The following TMEM222 variants were observed in gnomAD, a reference collection of about 807,000 sequenced individuals.
The protein encoded by TMEM222 is chromosome 1 open reading frame 160.
Under a neutral mutation model 25.1 loss-of-function variants are expected in TMEM222, and 18 were observed. That is an observed-to-expected ratio of 0.72 (90% confidence interval 0.50 to 1.06). The LOEUF is 1.06. Among genes scored for constraint, TMEM222 ranks in the 50% least tolerant of loss-of-function variants. The pLI, the probability that TMEM222 is intolerant of heterozygous loss-of-function variation, is 0.00. For synonymous variants in TMEM222, 131 were observed against 117.9 expected (o/e 1.11, Z -0.72); for missense variants, 296 against 293.7 (o/e 1.01, Z -0.06).
rs1160492927 is a variant in TMEM222, at chr1:27,330,768, A to T, written c.243A>T (p.Gly81=). Reference sequence around the variant, plus strand: ...ACATGGGCATCTGCACATCCACAGGAGTCATTCGGGACTTCGCGGGCCCCT... The same window carrying T: ...ACATGGGCATCTGCACATCCACAGGTGTCATTCGGGACTTCGCGGGCCCCT... ...IGHMGICTST[G]VIRDFAGPYF... The change falls in exon 2 of 6, where the codon GGA becomes GGT. Residue 81 remains glycine, a synonymous_variant. Coordinates refer to ENST00000374076, the MANE Select transcript of TMEM222 (RefSeq NM_032125.3). The T allele has an allele frequency of 6.2e-7, 1 of 1,614,040 alleles. No individual in the cohort carries two copies. The highest frequency in any genetic ancestry group is 8.5e-7 in the Non-Finnish European group (1 of 1,180,010).
intron 1 of TMEM222, 68 bp downstream of exon 1, chr1:27,322,459 A>G: frequency 7.7e-7 from 1 of 1,301,276 alleles, no homozygotes; most frequent in Non-Finnish European, 9.9e-7. Context: ...GGGCCGGGCT[A>G]GCCTCCGGCC....
chr1:27,325,087 C>A, intron 1 of TMEM222: 1 of 309,452 alleles, frequency 3.2e-6, no homozygotes, highest in Non-Finnish European at 6.3e-6. Flanking sequence ...GTGATGATTG[C>A]AGAGCTAGGC....
Position 27,335,570 on chromosome 1 carries a change from C to A in TMEM222, c.*104C>A. The A allele has an allele frequency of 1.7e-6, 2 of 1,189,668 alleles. No individual in the cohort carries two copies. Among genetic ancestry groups the A allele is most frequent in the Non-Finnish European group, 2.4e-6 (2 of 820,464 alleles). The allele number at this position is 1,189,668 out of a possible 1,614,324, so 73.7% of individuals were successfully genotyped here. On this transcript the variant is annotated 3_prime_UTR_variant, in exon 6 of 6. Coordinates refer to ENST00000374076, the MANE Select transcript of TMEM222 (RefSeq NM_032125.3). ...CTCACCCCAAAAGGCAGGGTTGGGC[C>A]TGCTGTTGTGGACCGGGGGTCGGGG...
intron 5 of TMEM222, chr1:27,334,762 C>A: frequency 8.5e-7 from 1 of 1,178,300 alleles, no homozygotes; most frequent in East Asian, 5.6e-5. Flanking sequence ...TAGGTTAGTG[C>A]TGATCTGGCC....
chr1:27,327,282 A>C (rs1439203729), intron 1 of TMEM222, among the ~76,000 whole-genome samples: 1 of 152,214 alleles, frequency 6.6e-6, no homozygotes, highest in Non-Finnish European at 1.5e-5. Context: ...TTTACTATCC[A>C]CAGAGAGATG....
rs1390376631 is a variant in TMEM222 at position 27,322,217 on chromosome 1, G to A, written c.20G>A (p.Ser7Asn). The A allele has an allele frequency of 2.1e-6, 3 of 1,426,972 alleles. No homozygotes were observed. Among genetic ancestry groups the A allele is most frequent in the Non-Finnish European group, 2.8e-6 (3 of 1,081,956 alleles). The allele number at this position is 1,426,972 out of a possible 1,614,324, so 88.4% of individuals were successfully genotyped here. A position where few individuals can be genotyped will look rare whatever the true frequency, so the allele number is the denominator to read the frequency against. The stretch of plus-strand genomic sequence containing the variant: ...CGCCGCATGGCGGAAGCGGAAGGGA[G>A]TTCTCTGCTCTTGTTGCCGCCGCCG... Reference protein sequence around the residue: MAEAEGSSLLLLPPPPP... With the variant: MAEAEGNSLLLLPPPPP... The change falls in exon 1 of 6, where the codon AGT (serine) becomes AAT (asparagine). Residue 7 changes from serine to asparagine, a missense_variant. Coordinates refer to ENST00000374076, the MANE Select transcript of TMEM222 (RefSeq NM_032125.3).
At chr1:27,330,370 C>T (rs2014450392) in intron 1 of TMEM222, among the ~76,000 whole-genome samples, 1 of 151,888 alleles carries the variant, frequency 6.6e-6, no homozygotes, top group Non-Finnish European at 1.5e-5. Flanking sequence ...GCACTCCAGC[C>T]TGGGCGACAG....
chr1:27,332,165 G>A lies in TMEM222; in HGVS notation c.311+64G>A, dbSNP rs540953754. The A allele has an allele frequency of 7.3e-5, 116 of 1,591,738 alleles. No individual in the cohort carries two copies. In the East Asian group the frequency reaches 2.5e-3, roughly 35 times the overall value. On this transcript the variant is annotated intron_variant, in intron 3 of 5. Transcript: ENST00000374076. ...GGTCGCTCCTGCCGGGGCGGGCCAG[G>A]CCTTCTGGGGCACAGGAGGGGCCAG...
chr1:27,322,957 A>AT (rs2014243114), intron 1 of TMEM222, among the ~76,000 whole-genome samples: 5 of 152,148 alleles, frequency 3.3e-5, no homozygotes, highest in African/African-American at 4.8e-5. Context: ...TCTTTCTGTA[A>AT]CATCAGCCTT....
At chr1:27,333,874 C>T (rs1173287679) in intron 3 of TMEM222, 84 bp from the exon 4 acceptor site, 14 of 1,276,016 alleles carry the variant, frequency 1.1e-5, no homozygotes, top group Non-Finnish European at 1.5e-5. Flanking sequence ...CAGGCCCGGG[C>T]ACAGGGCAGG....
At chr1:27,325,288 A>G (rs1163536333) in intron 1 of TMEM222, 3 of 590,564 alleles carry the variant, frequency 5.1e-6, no homozygotes, top group Non-Finnish European at 9.4e-6. Context: ...CCCCTGCGCA[A>G]GGATGACATG....
chr1:27,322,452 C>T, intron 1 of TMEM222, 61 bp downstream of exon 1: 1 of 1,311,804 alleles, frequency 7.6e-7, no homozygotes, highest in African/African-American at 1.5e-5. Context: ...CGGAGTCGGG[C>T]CGGGCTAGCC....
Position 27,322,214 on chromosome 1 carries a change from G to C in TMEM222, c.17G>C (p.Gly6Ala), listed in dbSNP as rs754715407. Residue 6 changes from glycine (G) to alanine (A), a missense_variant, in exon 1 of 6, where the codon GGG becomes GCG. By Grantham distance (60) the Gly-to-Ala change is moderately conservative (BLOSUM62 0). Coordinates refer to ENST00000374076, the MANE Select transcript of TMEM222 (RefSeq NM_032125.3). ...GCGCGCCGCATGGCGGAAGCGGAAG[G>C]GAGTTCTCTGCTCTTGTTGCCGCCG... Reference protein sequence around the residue: MAEAEGSSLLLLPPPP... With the variant: MAEAEASSLLLLPPPP... 7.0e-7 allele frequency: 1 copy of C among 1,421,966 alleles called. No individual in the cohort carries two copies. The highest frequency in any genetic ancestry group is 1.5e-5 in the African/African-American group (1 of 67,914). 88.1% of individuals were successfully genotyped at this position (1,421,966 alleles called of 1,614,324 possible).
At chr1:27,330,088 C>T (rs190354542) in intron 1 of TMEM222, among the ~76,000 whole-genome samples, 206 of 150,552 alleles carry the variant, frequency 1.4e-3, no homozygotes, top group African/African-American at 4.7e-3. Flanking sequence ...GGCAAGAGAG[C>T]GAGACTCCAT....
In TMEM222 at chr1:27,331,121, C is replaced by T. The variant is rs1045581263; in HGVS notation, c.279+317C>T. 1.9e-5 allele frequency: 23 copies of T among 1,215,438 alleles called. No homozygotes were observed. In the South Asian group the frequency reaches 4.7e-4, roughly 25 times the overall value. The allele number at this position is 1,215,438 out of a possible 1,614,324, so 75.3% of individuals were successfully genotyped here. A position where few individuals can be genotyped will look rare whatever the true frequency, so the allele number is the denominator to read the frequency against. On this transcript the variant is annotated intron_variant, in intron 2 of 5. Transcript: ENST00000374076. Reference sequence around the variant, plus strand: ...GAGTCAGACCATCCAGGAACCACATCTCTGGACCTTCAGAAGGTGGGAGTC... The same window carrying T: ...GAGTCAGACCATCCAGGAACCACATTTCTGGACCTTCAGAAGGTGGGAGTC...
rs563848135 is a variant in TMEM222 at position 27,334,708 on chromosome 1, C to T, written c.539+427C>T. The T allele has an allele frequency of 8.9e-6, 12 of 1,353,440 alleles. No homozygotes were observed. The African/African-American group carries it at 1.2e-4, about 13-fold the overall frequency. 83.8% of individuals were successfully genotyped at this position (1,353,440 alleles called of 1,614,324 possible). A position where few individuals can be genotyped will look rare whatever the true frequency, so the allele number is the denominator to read the frequency against. On this transcript the variant is annotated intron_variant, in intron 5 of 5. Coordinates refer to ENST00000374076, the MANE Select transcript of TMEM222 (RefSeq NM_032125.3). The stretch of plus-strand genomic sequence containing the variant: ...AGAGATTGAGTGAGTCGCCCATGGT[C>T]GCCACAGCATGGACACAGCAGAGCC...
At chr1:27,329,562 T>G (rs1231614115) in intron 1 of TMEM222, among the ~76,000 whole-genome samples, 1 of 152,240 alleles carries the variant, frequency 6.6e-6, no homozygotes, top group Non-Finnish European at 1.5e-5. Context: ...TTTTTCATTG[T>G]TATGGACTAT....
At chr1:27,334,304 C>T (rs1038086606) in intron 5 of TMEM222, 23 bp downstream of exon 5, 2 of 1,613,784 alleles carry the variant, frequency 1.2e-6, no homozygotes, top group East Asian at 2.2e-5. Context: ...CCTGCCTGCC[C>T]ACCCACACAC....
At chr1:27,335,344 C>T (rs1007096115) in intron 5 of TMEM222, 35 bp from the exon 6 acceptor site, 1 of 1,608,388 alleles carries the variant, frequency 6.2e-7, no homozygotes, top group Non-Finnish European at 8.5e-7. Context: ...TCACCAGGCC[C>T]TGCCCACCTA....
Sources: gnomAD v4.1 joint callset for allele counts (sites outside exome capture counted in the v4.1 genomes callset) on GRCh38, gnomAD v4.1.1 for gene constraint, MANE v1.5 for transcripts, NCBI Gene and HGNC (gene_info 2026-07-23, HGNC 2026-07-21) for gene names.